The following RSRC1 variants were observed in gnomAD, a reference collection of about 807,000 sequenced individuals.
RSRC1 encodes arginine and serine rich coiled-coil 1.
Under a neutral mutation model 49.1 loss-of-function variants are expected in RSRC1, and 39 were observed. The ratio of observed to expected loss-of-function variants is 0.79; its 90% confidence interval spans 0.61 to 1.04. The LOEUF (loss-of-function observed/expected upper bound fraction) is 1.04. RSRC1 is among the 50% of genes least tolerant of loss of function. RSRC1 has a pLI of 0.00. For missense variants in RSRC1, 388 were observed against 402.4 expected (o/e 0.96, Z 0.31); for synonymous variants, 143 against 130.8 (o/e 1.09, Z -0.63).
intron 6 of RSRC1, among the ~76,000 whole-genome samples, chr3:158,368,443 G>C (rs1389755297): frequency 6.6e-6 from 1 of 152,156 alleles, no homozygotes; most frequent in Non-Finnish European, 1.5e-5. Flanking sequence ...TACGTTTATG[G>C]GTCACTTCCT....
chr3:158,277,466 A>G (rs192401015), intron 4 of RSRC1, among the ~76,000 whole-genome samples: 11 of 152,272 alleles, frequency 7.2e-5, no homozygotes, highest in African/African-American at 2.4e-4. Context: ...ATCACTTCCA[A>G]TTGAAGTAGA....
chr3:158,264,355 A>G (rs1451132599), intron 4 of RSRC1, among the ~76,000 whole-genome samples: 1 of 152,116 alleles, frequency 6.6e-6, no homozygotes, highest in African/African-American at 2.4e-5. Flanking sequence ...ACCTATTTCT[A>G]ATTTGATTTC....
At chr3:158,238,905 G>GA (rs1023775354) in intron 4 of RSRC1, among the ~76,000 whole-genome samples, 38 of 152,084 alleles carry the variant, frequency 2.5e-4, no homozygotes, top group African/African-American at 8.5e-4. Flanking sequence ...CACAGCAAAA[G>GA]AAACTACCAT....
intron 3 of RSRC1, among the ~76,000 whole-genome samples, chr3:158,185,315 T>C (rs1216248993): frequency 6.6e-6 from 1 of 152,004 alleles, no homozygotes; most frequent in African/African-American, 2.4e-5. Context: ...TGATAAGGAC[T>C]TCTCTCTAAC....
At chr3:158,138,247 A>C (rs772826877) in intron 3 of RSRC1, among the ~76,000 whole-genome samples, 6 of 152,146 alleles carry the variant, frequency 3.9e-5, no homozygotes, top group Non-Finnish European at 5.9e-5. Context: ...AGCTGAGTGG[A>C]TGATCTGTCC....
At chr3:158,323,900 T>C (rs964684209) in intron 5 of RSRC1, among the ~76,000 whole-genome samples, 8 of 152,186 alleles carry the variant, frequency 5.3e-5, no homozygotes, top group African/African-American at 1.9e-4. Context: ...GAACAGTTCC[T>C]TCACATCTTT....
chr3:158,117,767 C>A (rs968379846), intron 1 of RSRC1, among the ~76,000 whole-genome samples: 4 of 152,180 alleles, frequency 2.6e-5, no homozygotes, highest in Non-Finnish European at 5.9e-5. Context: ...ACTGGGACTA[C>A]CGGCTTATGC....
Position 158,498,899 on chromosome 3 carries a change from C to T in RSRC1, c.652+37896C>T, listed in dbSNP as rs1254214607. On this transcript the variant is annotated intron_variant, in intron 7 of 9. Transcript: ENST00000611884. ...GGCTGGAAGTATTTGGGTTTATTTC[C>T]GTGTTCTCTATTCTGTTCCATTAGT... Among the ~76,000 whole-genome samples the T allele has an allele frequency of 3.3e-5, 5 of 152,052 alleles. 1 individual carries two copies. In the South Asian group the frequency reaches 8.3e-4, roughly 25 times the overall value.
chr3:158,365,313 G>A (rs1352399633), intron 6 of RSRC1, among the ~76,000 whole-genome samples: 3 of 146,362 alleles, frequency 2.0e-5, no homozygotes, highest in South Asian at 2.3e-4. Context: ...CCCACCCCCC[G>A]ACAGGCCCCG....
intron 1 of RSRC1, among the ~76,000 whole-genome samples, chr3:158,116,008 A>G (rs1191339519): frequency 1.3e-5 from 2 of 152,182 alleles, no homozygotes; most frequent in Non-Finnish European, 2.9e-5. Flanking sequence ...GACATTTTGC[A>G]TTGGCCATTT....
At chr3:158,543,732 A>G in intron 9 of RSRC1, 1 of 396,948 alleles carries the variant, frequency 2.5e-6, no homozygotes, top group Non-Finnish European at 4.4e-6. Context: ...AAAATAGACA[A>G]AGAGAAGCAT....
At chr3:158,471,843 G>A (rs1160372642) in intron 7 of RSRC1, among the ~76,000 whole-genome samples, 1 of 152,134 alleles carries the variant, frequency 6.6e-6, no homozygotes, top group African/African-American at 2.4e-5. Context: ...ATTATTGCTT[G>A]TGATTTGGAT....
At chr3:158,436,677 C>G (rs556500836) in intron 6 of RSRC1, among the ~76,000 whole-genome samples, 39 of 151,828 alleles carry the variant, frequency 2.6e-4, no homozygotes, top group Middle Eastern at 6.8e-3. Context: ...ATAAATAGAA[C>G]AGACACATGC....
intron 6 of RSRC1, among the ~76,000 whole-genome samples, chr3:158,362,119 A>G (rs1421365043): frequency 1.3e-5 from 2 of 152,184 alleles, no homozygotes; most frequent in African/African-American, 4.8e-5. Context: ...TGGGAGGATC[A>G]TTTGAGCCCA....
At position 158,417,632 on chromosome 3, in the gene RSRC1, A is replaced by C. The variant is rs576392201; in HGVS notation, c.584-43303A>C. Among the ~76,000 whole-genome samples, 7 of 152,104 alleles carry C rather than the reference A, an allele frequency of 4.6e-5. No individual in the cohort carries two copies. The East Asian group carries it at 1.4e-3, about 30-fold the overall frequency. On this transcript the variant is annotated intron_variant, in intron 6 of 9. Coordinates refer to ENST00000611884, the MANE Select transcript of RSRC1 (RefSeq NM_001271838.2). ...GTAGAGGAACTTAAATTAGCTGATTACACACTGTATGCCAGGGTGCTGTAT... is the reference window on the plus strand; with the variant it reads ...GTAGAGGAACTTAAATTAGCTGATTCCACACTGTATGCCAGGGTGCTGTAT...
At chr3:158,195,258 G>C (rs559367624) in intron 3 of RSRC1, among the ~76,000 whole-genome samples, 4 of 152,040 alleles carry the variant, frequency 2.6e-5, no homozygotes, top group African/African-American at 7.2e-5. Flanking sequence ...GTGATGATGA[G>C]CATTTTTTCA....
At chr3:158,229,384 G>GTATATGTGTATGTA (rs1559952754) in intron 4 of RSRC1, among the ~76,000 whole-genome samples, 45 of 94,986 alleles carry the variant, frequency 4.7e-4, no homozygotes, top group African/African-American at 1.4e-3. Flanking sequence ...GTGTATGTAT[G>GTATATGTGTATGTA]TGTATATATA....
At chr3:158,212,911 T>C (rs1721763057) in intron 4 of RSRC1, among the ~76,000 whole-genome samples, 1 of 152,004 alleles carries the variant, frequency 6.6e-6, no homozygotes, top group South Asian at 2.1e-4. Flanking sequence ...AGCAGTCTGC[T>C]GTGTATTTTT....
intron 3 of RSRC1, among the ~76,000 whole-genome samples, chr3:158,128,209 A>G (rs566985345): frequency 7.5e-4 from 114 of 152,298 alleles, no homozygotes; most frequent in Non-Finnish European, 1.2e-3. Context: ...AGAATGTTGG[A>G]CTTACATTCC....
Sources: allele counts gnomAD v4.1 joint callset (sites outside exome capture counted in the v4.1 genomes callset), GRCh38; gene constraint gnomAD v4.1.1; transcripts MANE v1.5; gene names NCBI Gene and HGNC (gene_info 2026-07-23, HGNC 2026-07-21).